The following GPRC5A variants were observed in gnomAD, a reference collection of about 807,000 sequenced individuals.
The protein encoded by GPRC5A is G protein-coupled receptor class C group 5 member A, also known as retinoic acid-induced protein 3.
In GPRC5A, 19 loss-of-function variants were observed where a neutral mutation model predicts 22.5. That is an observed-to-expected ratio of 0.85 (90% CI 0.59 to 1.24). The LOEUF is 1.24. Among genes scored for constraint, GPRC5A ranks in the 50% most tolerant of loss-of-function variants. GPRC5A has a pLI of 0.00. For missense variants in GPRC5A, 471 were observed against 451.1 expected, an observed-to-expected ratio of 1.04 and a Z score of -0.40; for synonymous variants, 192 against 184.5, an observed-to-expected ratio of 1.04 and a Z score of -0.33.
intron 1 of GPRC5A, among the ~76,000 whole-genome samples, chr12:12,895,850 G>A (rs1214595119): frequency 1.0e-4 from 14 of 133,614 alleles, no homozygotes; most frequent in East Asian, 2.1e-4. Flanking sequence ...AAAATTAGCC[G>A]GGCGTGGTGG....
At chr12:12,896,752 C>T (rs374492672) in intron 1 of GPRC5A, among the ~76,000 whole-genome samples, 3 of 152,248 alleles carry the variant, frequency 2.0e-5, no homozygotes, top group South Asian at 2.1e-4. Flanking sequence ...TGGCCAGGCA[C>T]GGTGCCTCAC....
chr12:12,893,446 ATTGAGGAGTATTTTTGC>A (rs1833613839), intron 1 of GPRC5A, among the ~76,000 whole-genome samples: 1 of 152,224 alleles, frequency 6.6e-6, no homozygotes, highest in Non-Finnish European at 1.5e-5. Flanking sequence ...TAAACAATAA[ATTGAGGAGTATTTTTGC>A]TTGAGGAATC....
Position 12,917,839 on chromosome 12 carries a change from C to T in GPRC5A, c.*5300C>T, listed in dbSNP as rs964633994. The stretch of plus-strand genomic sequence containing the variant: ...TGGAAAGGGTGGTGGGGCAACACTG[C>T]TTAATGGATGCCTTTTCACATCATT... On this transcript the variant is annotated 3_prime_UTR_variant, in exon 4 of 4. Transcript: ENST00000014914. The T allele has an allele frequency of 3.3e-5, 5 of 152,214 alleles. No homozygotes were observed. The highest frequency in any genetic ancestry group is 6.5e-5 in the Admixed American group (1 of 15,280). The allele number at this position is 152,214 out of a possible 1,614,324, so 9.4% of individuals were successfully genotyped here. A position where few individuals can be genotyped will look rare whatever the true frequency, so the allele number is the denominator to read the frequency against.
intron 1 of GPRC5A, among the ~76,000 whole-genome samples, chr12:12,896,297 T>C (rs187708504): frequency 6.6e-6 from 1 of 152,312 alleles, no homozygotes; most frequent in East Asian, 1.9e-4. Flanking sequence ...GGTGCTATGA[T>C]GACTTATTTT....
chr12:12,905,253 C>T (rs1863929300), intron 1 of GPRC5A, among the ~76,000 whole-genome samples: 1 of 152,140 alleles, frequency 6.6e-6, no homozygotes, highest in Non-Finnish European at 1.5e-5. Context: ...TGCTTTGTAT[C>T]TTTTCCTGCT....
chr12:12,894,077 A>G (rs1266600314), intron 1 of GPRC5A, among the ~76,000 whole-genome samples: 3 of 152,162 alleles, frequency 2.0e-5, no homozygotes, highest in Non-Finnish European at 2.9e-5. Flanking sequence ...TTTTACTAAA[A>G]CACAGCAATG....
chr12:12,912,050 C>T lies in GPRC5A; in HGVS notation c.923-34C>T, dbSNP rs1262522992. 2.0e-6 allele frequency: 3 copies of T among 1,515,794 alleles called. No individual in the cohort carries two copies. The Admixed American group carries it at 5.0e-5, about 25-fold the overall frequency. The allele number at this position is 1,515,794 out of a possible 1,614,324, so 93.9% of individuals were successfully genotyped here. A position where few individuals can be genotyped will look rare whatever the true frequency, so the allele number is the denominator to read the frequency against. The stretch of plus-strand genomic sequence containing the variant: ...ATGGGGTGAACATAGGTGGGGGCCC[C>T]AGTGGTTTAATTTCTCCTGTTCCTC... On this transcript the variant is annotated intron_variant, in intron 2 of 3. Transcript: ENST00000014914.
chr12:12,896,210 T>C (rs1863821485), intron 1 of GPRC5A, among the ~76,000 whole-genome samples: 1 of 152,182 alleles, frequency 6.6e-6, no homozygotes, highest in Non-Finnish European at 1.5e-5. Flanking sequence ...AGGAAGATGG[T>C]AATACGCCCA....
chr12:12,908,738 T>G lies in GPRC5A; in HGVS notation c.489T>G (p.Asn163Lys). The change falls in exon 2 of 4, where the codon AAT (asparagine) becomes AAG (lysine). Residue 163 changes from asparagine to lysine, a missense_variant. Coordinates refer to ENST00000014914, the MANE Select transcript of GPRC5A (RefSeq NM_003979.4). ...IVLTMNRTNVNVFSELSAPRR... is the reference protein window; with the variant it reads ...IVLTMNRTNVKVFSELSAPRR... The stretch of plus-strand genomic sequence containing the variant: ...TGACCATGAATAGGACCAACGTCAA[T>G]GTCTTTTCTGAGCTTTCCGCTCCTC... 1 of 1,614,210 alleles carries G rather than the reference T, an allele frequency of 6.2e-7. No homozygotes were observed. The highest frequency in any genetic ancestry group is 8.5e-7 in the Non-Finnish European group (1 of 1,180,028).
chr12:12,911,817 G>C (rs1328546159), intron 2 of GPRC5A, among the ~76,000 whole-genome samples: 1 of 152,160 alleles, frequency 6.6e-6, no homozygotes, highest in Non-Finnish European at 1.5e-5. Context: ...TTTTGAAGTG[G>C]TCCTAGGATG....
At chr12:12,909,486 A>G (rs1565465516) in intron 2 of GPRC5A, 1 of 246,538 alleles carries the variant, frequency 4.1e-6, no homozygotes, top group East Asian at 8.1e-5. Context: ...TGTGCATCAA[A>G]ATAAGATGCA....
intron 1 of GPRC5A, among the ~76,000 whole-genome samples, chr12:12,893,998 G>A (rs989075944): frequency 6.6e-6 from 1 of 152,190 alleles, no homozygotes; most frequent in South Asian, 2.1e-4. Flanking sequence ...CTGACCTCAG[G>A]TGATCTGCCT....
In GPRC5A at chr12:12,908,331, G is replaced by A. The variant is rs771361083; in HGVS notation, c.82G>A (p.Gly28Ser). 2 of 1,613,856 alleles carry A rather than the reference G, an allele frequency of 1.2e-6. No individual in the cohort carries two copies. Among genetic ancestry groups the A allele is most frequent in the Admixed American group, 1.7e-5 (1 of 59,984 alleles). ...ACTTTGTGATAAGGCTGAAGCTTGG[G>A]GCATCGTCCTAGAAACGGTGGCCAC... ...YRLCDKAEAW[G>S]IVLETVATAG... The change falls in exon 2 of 4, where the codon GGC becomes AGC. Residue 28 changes from glycine to serine, a missense_variant. Gly to Ser is a moderately conservative substitution (Grantham distance 56). Transcript: ENST00000014914.
intron 1 of GPRC5A, among the ~76,000 whole-genome samples, chr12:12,907,285 C>A (rs1182958953): frequency 6.6e-6 from 1 of 150,710 alleles, no homozygotes; most frequent in African/African-American, 2.4e-5. Context: ...CCTGTAGTAC[C>A]AGCTACTCTG....
At chr12:12,903,912 C>T (rs1266116637) in intron 1 of GPRC5A, among the ~76,000 whole-genome samples, 1 of 152,174 alleles carries the variant, frequency 6.6e-6, no homozygotes, top group Non-Finnish European at 1.5e-5. Context: ...TTCAAAGTCC[C>T]TCATAACGAT....
In GPRC5A at chr12:12,915,017, AT is replaced by A. The variant is rs60735966; in HGVS notation, c.*2499del. 0.047 allele frequency: 5,052 copies of A among 108,632 alleles called. 253 individuals carry two copies. The highest frequency in any genetic ancestry group is 0.16 in the African/African-American group (4,585 of 28,460). 6.7% of individuals were successfully genotyped at this position (108,632 alleles called of 1,614,324 possible). A position where few individuals can be genotyped will look rare whatever the true frequency, so the allele number is the denominator to read the frequency against. On this transcript the variant is annotated 3_prime_UTR_variant, in exon 4 of 4. Transcript: ENST00000014914. The stretch of plus-strand genomic sequence containing the variant: ...AAATCACAAAATACTCTGGATCGGC[AT>A]TTTTTTTTTTTTTTTTTTTTGAGAC...
At chr12:12,897,209 C>T (rs1314974612) in intron 1 of GPRC5A, among the ~76,000 whole-genome samples, 3 of 101,150 alleles carry the variant, frequency 3.0e-5, no homozygotes, top group Non-Finnish European at 5.4e-5. Flanking sequence ...GGCTGGAGTA[C>T]AGAGCAAGAC....
At position 12,917,293 on chromosome 12, in the gene GPRC5A, C is replaced by A. The variant is rs2136466324; in HGVS notation, c.*4754C>A. On this transcript the variant is annotated 3_prime_UTR_variant, in exon 4 of 4. Coordinates refer to ENST00000014914, the MANE Select transcript of GPRC5A (RefSeq NM_003979.4). ...GTGCGCCTGACCCTGATTTCTGCAACCTCCAGATTTCTTTCTTGACCCTTC... is the reference window on the plus strand; with the variant it reads ...GTGCGCCTGACCCTGATTTCTGCAAACTCCAGATTTCTTTCTTGACCCTTC... 1 of 150,554 alleles carries A rather than the reference C, an allele frequency of 6.6e-6. No homozygotes were observed. Among genetic ancestry groups the A allele is most frequent in the East Asian group, 2.0e-4 (1 of 4,998 alleles). The allele number at this position is 150,554 out of a possible 1,614,324, so 9.3% of individuals were successfully genotyped here.
rs55937595 is a variant in GPRC5A at position 12,900,914 on chromosome 12, CAA to C, written c.-7-7320_-7-7319del. Reference sequence around the variant, plus strand: ...CTCAAAAAAAAAAAAAAAAAAAAAACAAAAAAAAAACAACCCAGAAAAACCCA... The same window carrying C: ...CTCAAAAAAAAAAAAAAAAAAAAAACAAAAAAAACAACCCAGAAAAACCCA... On this transcript the variant is annotated intron_variant, in intron 1 of 3. Transcript: ENST00000014914. Among the ~76,000 whole-genome samples the C allele has an allele frequency of 0.014, 1,259 of 89,754 alleles. 64 individuals carry two copies. The East Asian group carries it at 0.18, about 13-fold the overall frequency. The allele number at this position is 89,754 out of a possible 152,430, so 58.9% of individuals were successfully genotyped here.
Sources: gnomAD v4.1 joint callset for allele counts (sites outside exome capture counted in the v4.1 genomes callset) on GRCh38, gnomAD v4.1.1 for gene constraint, MANE v1.5 for transcripts, NCBI Gene and HGNC (gene_info 2026-07-23, HGNC 2026-07-21) for gene names.